Variants in LRRIQ1 observed in about 807,000 individuals in gnomAD.
LRRIQ1 encodes the protein leucine rich repeats and IQ motif containing 1.
Under a neutral mutation model 211.9 loss-of-function variants are expected in LRRIQ1, and 210 were observed. That is an observed-to-expected ratio of 0.99 (90% CI 0.89 to 1.11). The LOEUF is 1.11. LRRIQ1 is among the 50% of genes most tolerant of loss of function. LRRIQ1 has a pLI of 0.00. For missense variants in LRRIQ1, 2,136 were observed against 1,939.5 expected (o/e 1.10, Z -1.90); for synonymous variants, 699 against 650.1 (o/e 1.08, Z -1.14).
chr12:85,113,601 G>T (rs565460142), intron 15 of LRRIQ1, among the ~76,000 whole-genome samples: 2 of 152,064 alleles, frequency 1.3e-5, no homozygotes, highest in East Asian at 1.9e-4. Context: ...ATGTGTAAAG[G>T]CTTGAGAAAT....
chr12:85,220,124 A>T (rs956684959), intron 24 of LRRIQ1, among the ~76,000 whole-genome samples: 1 of 152,176 alleles, frequency 6.6e-6, no homozygotes, highest in African/African-American at 2.4e-5. Context: ...TATCAAAGTT[A>T]CCAAAAATAT....
At chr12:85,049,898 C>T (rs1375023239) in intron 6 of LRRIQ1, among the ~76,000 whole-genome samples, 2 of 152,184 alleles carry the variant, frequency 1.3e-5, no homozygotes, top group Non-Finnish European at 2.9e-5. Flanking sequence ...CCCTTGACTT[C>T]TGTGAGATCA....
At chr12:85,037,481 A>G (rs1878277513) in intron 1 of LRRIQ1, among the ~76,000 whole-genome samples, 1 of 151,720 alleles carries the variant, frequency 6.6e-6, no homozygotes, top group Non-Finnish European at 1.5e-5. Context: ...GTTCCATTTC[A>G]CTTTGTTTTT....
Position 85,152,279 on chromosome 12 carries a change from G to T in LRRIQ1, c.4330-1G>T. 6.2e-7 allele frequency: 1 copy of T among 1,605,522 alleles called. No individual in the cohort carries two copies. The highest frequency in any genetic ancestry group is 1.1e-5 in the South Asian group (1 of 90,082). On this transcript the variant is annotated splice_acceptor_variant, in intron 19 of 26. Transcript: ENST00000393217. LOFTEE classifies it high-confidence loss of function. ...CATACATTTTAATATTATTTGTGCA[G>T]GCTGCCTTAGAAGAAGAATGGCTAG...
At chr12:85,207,911 C>G (rs1261768913) in intron 24 of LRRIQ1, among the ~76,000 whole-genome samples, 5 of 151,926 alleles carry the variant, frequency 3.3e-5, no homozygotes, top group Non-Finnish European at 7.4e-5. Context: ...TCACCAATAC[C>G]ATACTGTCTT....
At chr12:85,063,129 T>A (rs1044848756) in intron 8 of LRRIQ1, among the ~76,000 whole-genome samples, 1 of 151,846 alleles carries the variant, frequency 6.6e-6, no homozygotes, top group Non-Finnish European at 1.5e-5. Context: ...CTACAGATTT[T>A]TTTTCCCATT....
chr12:85,059,927 G>T (rs937273143), intron 8 of LRRIQ1, among the ~76,000 whole-genome samples: 1 of 151,932 alleles, frequency 6.6e-6, no homozygotes, highest in Non-Finnish European at 1.5e-5. Flanking sequence ...TTTAGATAAA[G>T]TATATTGACT....
chr12:85,257,110 TATA>T (rs1350335736), intron 1 of LRRIQ1, among the ~76,000 whole-genome samples: 1 of 68,774 alleles, frequency 1.5e-5, no homozygotes, highest in Non-Finnish European at 2.8e-5. Flanking sequence ...TATAAATATA[TATA>T]ATTACATAAT....
chr12:85,152,223 A>G, intron 19 of LRRIQ1, 57 bp from the exon 20 acceptor site: 1 of 1,428,270 alleles, frequency 7.0e-7, no homozygotes, highest in Non-Finnish European at 9.6e-7. Context: ...GAATTAAAAG[A>G]AACATTGTAA....
chr12:85,219,217 T>C (rs922083837), intron 24 of LRRIQ1, among the ~76,000 whole-genome samples: 4 of 152,128 alleles, frequency 2.6e-5, no homozygotes, highest in Admixed American at 2.6e-4. Context: ...ACAGTAAAGA[T>C]ATTAGTGAGG....
At chr12:85,113,907 T>TTGTGTTTGTGTGTGTGTG (rs1887369616) in intron 15 of LRRIQ1, among the ~76,000 whole-genome samples, 1 of 140,866 alleles carries the variant, frequency 7.1e-6, no homozygotes, top group African/African-American at 2.7e-5. Context: ...CAAATGAGTT[T>TTGTGTTTGTGTGTGTGTG]TGTGTGTGTG....
At chr12:85,253,365 A>G (rs562554554) in intron 1 of LRRIQ1, among the ~76,000 whole-genome samples, 1 of 152,220 alleles carries the variant, frequency 6.6e-6, no homozygotes, top group Admixed American at 6.6e-5. Flanking sequence ...ATTCCAAAAT[A>G]GACTACTCAC....
At chr12:85,077,921 A>G (rs542217911) in intron 11 of LRRIQ1, among the ~76,000 whole-genome samples, 1 of 151,354 alleles carries the variant, frequency 6.6e-6, no homozygotes, top group East Asian at 2.0e-4. Context: ...TTGGGGGATC[A>G]AGGCTGTAGT....
In LRRIQ1 at chr12:85,140,041, G is replaced by C. The variant is rs372879918; in HGVS notation, c.4329+2072G>C. On this transcript the variant is annotated intron_variant, in intron 19 of 26. Transcript: ENST00000393217. ...TACTTCTATGTAATGAAAAAAACTA[G>C]GTATCATGAAAACAATGTAAATGCT... 9.9e-5 allele frequency among the ~76,000 whole-genome samples: 15 copies of C among 151,128 alleles called. No individual in the cohort carries two copies. The East Asian group carries it at 2.7e-3, about 28-fold the overall frequency.
At chr12:85,172,063 C>T (rs1377985734) in intron 24 of LRRIQ1, among the ~76,000 whole-genome samples, 4 of 152,158 alleles carry the variant, frequency 2.6e-5, no homozygotes, top group East Asian at 3.8e-4. Flanking sequence ...AAGCAAAGCA[C>T]GCATACCACC....
chr12:85,037,391 T>C (rs746460675), intron 1 of LRRIQ1, among the ~76,000 whole-genome samples: 5 of 152,166 alleles, frequency 3.3e-5, no homozygotes, highest in Non-Finnish European at 7.4e-5. Flanking sequence ...AAAAAAAATC[T>C]AGCTTTCCTT....
At chr12:85,230,667 G>A (rs1894889070) in intron 25 of LRRIQ1, among the ~76,000 whole-genome samples, 1 of 152,164 alleles carries the variant, frequency 6.6e-6, no homozygotes, top group Admixed American at 6.5e-5. Flanking sequence ...AAAGTCCAGA[G>A]ATGATATTTT....
At chr12:85,234,399 C>A (rs192374660) in intron 26 of LRRIQ1, among the ~76,000 whole-genome samples, 1 of 152,240 alleles carries the variant, frequency 6.6e-6, no homozygotes, top group Admixed American at 6.5e-5. Flanking sequence ...AAATAATATA[C>A]ATTACAATGA....
rs760879565 is a variant in LRRIQ1 at position 85,124,458 on chromosome 12, G to C, written c.3946G>C (p.Glu1316Gln). 108 of 1,613,752 alleles carry C rather than the reference G, an allele frequency of 6.7e-5. 1 individual carries two copies. The Middle Eastern group carries it at 1.6e-3, about 25-fold the overall frequency. Reference sequence around the variant, plus strand: ...TCCCACCATAAGAATCCCATTTAAGGAAGTAGTAATGACAAATTCTTTGCT... The same window carrying C: ...TCCCACCATAAGAATCCCATTTAAGCAAGTAGTAATGACAAATTCTTTGCT... The part of the protein sequence containing the change: ...SIPTIRIPFK[E>Q]VVMTNSLLRN... The change falls in exon 17 of 27, where the codon GAA becomes CAA. Residue 1316 changes from glutamate to glutamine, a missense_variant. Physicochemically the swap from Glu to Gln is conservative, Grantham distance 29. Coordinates refer to ENST00000393217, the MANE Select transcript of LRRIQ1 (RefSeq NM_001079910.2).
Sources: allele counts gnomAD v4.1 joint callset (sites outside exome capture counted in the v4.1 genomes callset), GRCh38; gene constraint gnomAD v4.1.1; transcripts MANE v1.5; gene names NCBI Gene and HGNC (gene_info 2026-07-23, HGNC 2026-07-21).